Variants in TBCD observed in about 807,000 individuals in gnomAD.
TBCD encodes the protein tubulin-specific chaperone D.
TBCD carries 105 observed loss-of-function variants against 169.3 expected under a neutral mutation model. The observed-to-expected ratio is 0.62, with a 90% CI of 0.53 to 0.73. The LOEUF (loss-of-function observed/expected upper bound fraction) is 0.73. Among genes scored for constraint, TBCD ranks in the 30% least tolerant of loss-of-function variants. The pLI is 0.00. For synonymous variants in TBCD, 700 were observed against 643.9 expected, an observed-to-expected ratio of 1.09 and a Z score of -1.32; for missense variants, 1,444 against 1,600.1, an observed-to-expected ratio of 0.90 and a Z score of 1.66.
intron 2 of TBCD, among the ~76,000 whole-genome samples, chr17:82,760,041 T>A (rs1028217157): frequency 5.9e-5 from 9 of 151,506 alleles, no homozygotes; most frequent in African/African-American, 9.7e-5. Context: ...GCCTGGCTAA[T>A]TTTTGTATTT....
chr17:82,783,175 CT>C (rs1259475433), intron 7 of TBCD, among the ~76,000 whole-genome samples: 2 of 152,144 alleles, frequency 1.3e-5, no homozygotes, highest in Non-Finnish European at 2.9e-5. Flanking sequence ...TCCTCAATGT[CT>C]GCTGCTTCCC....
At chr17:82,830,841 G>A (rs372531501) in intron 13 of TBCD, 2 of 1,612,970 alleles carry the variant, frequency 1.2e-6, no homozygotes, top group African/African-American at 1.3e-5. Flanking sequence ...AGGCGCTTCC[G>A]GTCGGAGCAG....
chr17:82,780,645 C>T (rs865815123), intron 6 of TBCD, among the ~76,000 whole-genome samples: 10 of 104,720 alleles, frequency 9.5e-5, no homozygotes, highest in South Asian at 4.0e-4. Context: ...AAGACTTGGG[C>T]TTTTTTTTTT....
At position 82,929,425 on chromosome 17, in the gene TBCD, C is replaced by A. The variant is rs149893886; in HGVS notation, c.2916C>A (p.Leu972=). The A allele has an allele frequency of 2.5e-5, 41 of 1,612,688 alleles. No individual in the cohort carries two copies. Among genetic ancestry groups the A allele is most frequent in the Non-Finnish European group, 2.8e-5 (33 of 1,179,890 alleles). The change falls in exon 32 of 39, where the codon CTC becomes CTA. Residue 972 remains leucine (L), a synonymous_variant. Transcript: ENST00000355528. ...PSQAFPRITQ[L]LGLPTYRYHV... ...AGGCCTTCCCACGCATCACCCAGCT[C>A]CTTGGGCTGCCCACCTACCGCTACC...
In TBCD at chr17:82,910,039, C is replaced by T. The variant is rs182162656; in HGVS notation, c.2006+732C>T. ...GTTCCGTGGTGTGCATGTACGGCGC[C>T]GTGTTATCCACTCACCAGCCCAGGC... On this transcript the variant is annotated intron_variant, in intron 22 of 38. Transcript: ENST00000355528. 7.2e-5 allele frequency among the ~76,000 whole-genome samples: 11 copies of T among 152,346 alleles called. No homozygotes were observed. In the South Asian group the frequency reaches 1.7e-3, roughly 23 times the overall value.
At chr17:82,883,126 G>A (rs1010463339) in intron 14 of TBCD, among the ~76,000 whole-genome samples, 5 of 152,224 alleles carry the variant, frequency 3.3e-5, no homozygotes, top group Admixed American at 1.3e-4. Flanking sequence ...GCATGTCCCC[G>A]GCGTCCTTCA....
chr17:82,816,431 C>A (rs1408782192), intron 13 of TBCD, among the ~76,000 whole-genome samples: 2 of 152,198 alleles, frequency 1.3e-5, no homozygotes, highest in Admixed American at 1.3e-4. Flanking sequence ...CCACGTTTAA[C>A]TTTCTAAGAA....
intron 13 of TBCD, among the ~76,000 whole-genome samples, chr17:82,869,617 C>T (rs1229157338): frequency 6.6e-6 from 1 of 152,244 alleles, no homozygotes; most frequent in Non-Finnish European, 1.5e-5. Context: ...ACACCTACCT[C>T]GGATTTCTCT....
At position 82,835,040 on chromosome 17, in the gene TBCD, T is replaced by TG. The variant is rs1488216098; in HGVS notation, c.1318+20109dup. 6.6e-6 allele frequency among the ~76,000 whole-genome samples: 1 copy of TG among 152,052 alleles called. No individual in the cohort carries two copies. The highest frequency in any genetic ancestry group is 2.4e-5 in the African/African-American group (1 of 41,380). On this transcript the variant is annotated intron_variant, in intron 13 of 38. Coordinates refer to ENST00000355528, the MANE Select transcript of TBCD (RefSeq NM_005993.5). This position sits in a 1 kb window ranked among gnomAD's most constrained non-coding sequence, Gnocchi z 4.5. ...ATCCCACCACCGCACTGCAGCCTGG[T>TG]GGGCAACAGAATGAGACCCTGCCTC...
Position 82,832,130 on chromosome 17 carries a change from C to T in TBCD, c.1318+17196C>T, listed in dbSNP as rs1351142341. On this transcript the variant is annotated intron_variant, in intron 13 of 38. Transcript: ENST00000355528. The surrounding 1 kb of genome is among the most constrained non-coding windows in gnomAD (Gnocchi z 4.9). The stretch of plus-strand genomic sequence containing the variant: ...AGCTCCAGGTTTTCCTTGATGTCTT[C>T]CCTGGCAGAGCTGTGCTGAAGCTTC... 3 of 1,614,098 alleles carry T rather than the reference C, an allele frequency of 1.9e-6. No homozygotes were observed. The highest frequency in any genetic ancestry group is 2.2e-5 in the East Asian group (1 of 44,886).
At chr17:82,852,687 G>T (rs1362863291) in intron 13 of TBCD, among the ~76,000 whole-genome samples, 2 of 152,204 alleles carry the variant, frequency 1.3e-5, no homozygotes, top group African/African-American at 2.4e-5. Flanking sequence ...GGGCACTGGG[G>T]TTAAGACTTC....
intron 15 of TBCD, among the ~76,000 whole-genome samples, chr17:82,885,890 T>G (rs890553000): frequency 5.3e-5 from 8 of 152,068 alleles, no homozygotes; most frequent in African/African-American, 1.9e-4. Flanking sequence ...TTTTGAAGCT[T>G]AGTTGGAAAT....
At chr17:82,911,728 T>A (rs780240340) in intron 22 of TBCD, 30 bp from the exon 23 acceptor site, 6 of 1,612,432 alleles carry the variant, frequency 3.7e-6, no homozygotes, top group Non-Finnish European at 5.1e-6. Context: ...AAGAGGTTCT[T>A]CTAATTCTGA....
At chr17:82,919,838 C>T (rs536630332) in intron 23 of TBCD, among the ~76,000 whole-genome samples, 4 of 152,230 alleles carry the variant, frequency 2.6e-5, no homozygotes, top group Non-Finnish European at 4.4e-5. Flanking sequence ...GGTGGACCGA[C>T]GGCCTCCGCA....
intron 13 of TBCD, among the ~76,000 whole-genome samples, chr17:82,836,018 G>A (rs897363520): frequency 2.6e-5 from 4 of 152,220 alleles, no homozygotes; most frequent in African/African-American, 9.6e-5. Context: ...TGCCACAGAA[G>A]CTACAAGGCA....
At chr17:82,830,096 G>A in intron 13 of TBCD, 4 of 1,611,288 alleles carry the variant, frequency 2.5e-6, no homozygotes, top group South Asian at 2.2e-5. Context: ...ACCTTGGAAG[G>A]CGTGTGTGTG....
Position 82,920,267 on chromosome 17 carries a change from GCC to G in TBCD, c.2039-288_2039-287del, listed in dbSNP as rs2061335715. 1.3e-5 allele frequency among the ~76,000 whole-genome samples: 2 copies of G among 152,260 alleles called. No homozygotes were observed. Among genetic ancestry groups the G allele is most frequent in the Non-Finnish European group, 2.9e-5 (2 of 68,046 alleles). ...AGGGACGTCTGCAGCTCCCTGACAG[GCC>G]GGCCCGGCTTCTCTGAAGTGCACGT... On this transcript the variant is annotated intron_variant, in intron 23 of 38. Coordinates refer to ENST00000355528, the MANE Select transcript of TBCD (RefSeq NM_005993.5). This position sits in a 1 kb window ranked among gnomAD's most constrained non-coding sequence, Gnocchi z 4.1.
intron 6 of TBCD, among the ~76,000 whole-genome samples, chr17:82,773,228 C>T (rs1357112749): frequency 6.6e-6 from 1 of 152,200 alleles, no homozygotes; most frequent in East Asian, 1.9e-4. Context: ...TGCAGCGTCA[C>T]CTTCACTCGG....
chr17:82,925,854 C>T (rs538940074), intron 27 of TBCD, among the ~76,000 whole-genome samples: 1 of 152,268 alleles, frequency 6.6e-6, no homozygotes, highest in South Asian at 2.1e-4. Flanking sequence ...AAGGGGGGGA[C>T]CTCAGGTAGG....
Sources: gnomAD v4.1 joint callset for allele counts (sites outside exome capture counted in the v4.1 genomes callset) on GRCh38, gnomAD v4.1.1 for gene constraint, Gnocchi (gnomAD v3.1) non-coding constraint, MANE v1.5 for transcripts, NCBI Gene and HGNC (gene_info 2026-07-23, HGNC 2026-07-21) for gene names.